CXXC5: variants seen among roughly 807,000 people sequenced by gnomAD.
CXXC5 encodes the protein CXXC finger protein 5, also known as CXXC-type zinc finger protein 5.
Under a neutral mutation model 17.6 loss-of-function variants are expected in CXXC5, and 2 were observed. That is an observed-to-expected ratio of 0.11 (90% CI 0.05 to 0.36). The LOEUF (loss-of-function observed/expected upper bound fraction) is 0.36, where lower values mean the gene tolerates loss of function less well. Ranked by LOEUF, CXXC5 falls within the 10% of genes least tolerant of loss-of-function variation. CXXC5 has a pLI of 1.00. For synonymous variants in CXXC5, 171 were observed against 193.0 expected (o/e 0.89, Z 0.94); for missense variants, 343 against 458.3 (o/e 0.75, Z 2.30).
At chr5:139,660,294 G>A (rs1391546354) in intron 1 of CXXC5, among the ~76,000 whole-genome samples, 3 of 152,216 alleles carry the variant, frequency 2.0e-5, no homozygotes, top group African/African-American at 7.2e-5. Flanking sequence ...TCCGGGTTGT[G>A]CCCGACTGTG....
intron 1 of CXXC5, among the ~76,000 whole-genome samples, chr5:139,669,526 G>T (rs928827873): frequency 2.0e-5 from 3 of 152,032 alleles, no homozygotes; most frequent in African/African-American, 7.2e-5. Context: ...CCTAGACCCA[G>T]CATGGCTCAC....
At chr5:139,647,984 A>C (rs1309638568), upstream of CXXC5, 1 of 151,540 alleles carries the variant, frequency 6.6e-6, no homozygotes, top group Non-Finnish European at 1.5e-5. Flanking sequence ...GGGGGCAGAA[A>C]GATAGCAGAT....
intron 1 of CXXC5, among the ~76,000 whole-genome samples, chr5:139,673,223 A>G (rs539195447): frequency 5.9e-5 from 9 of 152,334 alleles, no homozygotes; most frequent in African/African-American, 2.2e-4. Context: ...GAGATAAAGC[A>G]TGGACAGTGT....
At chr5:139,651,758 G>A (rs1755191233) in intron 1 of CXXC5, among the ~76,000 whole-genome samples, 1 of 152,036 alleles carries the variant, frequency 6.6e-6, no homozygotes, top group Non-Finnish European at 1.5e-5. Context: ...GGGAATACGG[G>A]TGAGCCAGAC....
In CXXC5 at chr5:139,677,656, C is replaced by T. The variant is rs150070140; in HGVS notation, c.-160-2708C>T. On this transcript the variant is annotated intron_variant, in intron 1 of 2. Coordinates refer to ENST00000302517, the MANE Select transcript of CXXC5 (RefSeq NM_016463.9). ...TCTGCCTGCAGCACCTGTTTGGTGA[C>T]ATATCACATCCTCTGGTCCCAAGCT... Among the ~76,000 whole-genome samples the T allele has an allele frequency of 9.7e-4, 148 of 152,346 alleles. 1 individual carries two copies. The highest frequency in any genetic ancestry group is 3.5e-3 in the African/African-American group (144 of 41,580).
intron 1 of CXXC5, among the ~76,000 whole-genome samples, chr5:139,664,468 C>T (rs1162335091): frequency 6.6e-6 from 1 of 152,164 alleles, no homozygotes; most frequent in African/African-American, 2.4e-5. Flanking sequence ...TCCCGTGGTC[C>T]GTGTGTCACT....
chr5:139,659,183 C>A (rs769072416), intron 1 of CXXC5, among the ~76,000 whole-genome samples: 1 of 152,016 alleles, frequency 6.6e-6, no homozygotes, highest in African/African-American at 2.4e-5. Context: ...AGTGGCAGAT[C>A]GGCTGGGAGG....
Position 139,668,475 on chromosome 5 carries a change from A to ACTGCCCGCTCCAGGCCCG in CXXC5, c.-160-11870_-160-11853dup, listed in dbSNP as rs542635686. Among the ~76,000 whole-genome samples, 62 of 151,782 alleles carry ACTGCCCGCTCCAGGCCCG rather than the reference A, an allele frequency of 4.1e-4. No homozygotes were observed. The highest frequency in any genetic ancestry group is 2.9e-3 in the East Asian group (15 of 5,100). ...GGCCCGGCTACCTCCCGCGCCGCCC[A>ACTGCCCGCTCCAGGCCCG]CTGCCCGCTCCAGGCCCGCTGCCCG... On this transcript the variant is annotated intron_variant, in intron 1 of 2. Transcript: ENST00000302517. This position sits in a 1 kb window ranked among gnomAD's most constrained non-coding sequence, Gnocchi z 4.1.
chr5:139,672,006 T>G (rs1356511189), intron 1 of CXXC5, among the ~76,000 whole-genome samples: 1 of 152,224 alleles, frequency 6.6e-6, no homozygotes, highest in Non-Finnish European at 1.5e-5. Context: ...ATAATAATTG[T>G]AGTAGAATCC....
intron 1 of CXXC5, among the ~76,000 whole-genome samples, chr5:139,651,975 C>T (rs1029873844): frequency 2.6e-5 from 4 of 152,192 alleles, no homozygotes; most frequent in Non-Finnish European, 5.9e-5. Flanking sequence ...TCAAACCCCA[C>T]CCTTCTGGTG....
At chr5:139,675,247 A>G (rs1352131195) in intron 1 of CXXC5, among the ~76,000 whole-genome samples, 1 of 152,178 alleles carries the variant, frequency 6.6e-6, no homozygotes, top group Non-Finnish European at 1.5e-5. Flanking sequence ...CCACCTGTGT[A>G]CATGTCTGTG....
In CXXC5 at chr5:139,680,800, G is replaced by T; in HGVS notation, c.277G>T (p.Gly93Cys). 6.2e-7 allele frequency: 1 copy of T among 1,612,992 alleles called. No individual in the cohort carries two copies. The highest frequency in any genetic ancestry group is 8.5e-7 in the Non-Finnish European group (1 of 1,180,018). ...SSFGSSGGSG[G>C]GSMMGGESAD... ...TTTTGGCAGCAGTGGTGGTAGTGGCGGTGGCAGCATGATGGGCGGAGAGTC... is the reference window on the plus strand; with the variant it reads ...TTTTGGCAGCAGTGGTGGTAGTGGCTGTGGCAGCATGATGGGCGGAGAGTC... Residue 93 changes from glycine (G) to cysteine (C), a missense_variant, in exon 2 of 3, where the codon GGT becomes TGT. By Grantham distance (159) the Gly-to-Cys change is radical (BLOSUM62 -3). This residue lies in a region of CXXC5 where 297 missense variants were observed against 363.4 expected (regional missense o/e 0.82). Coordinates refer to ENST00000302517, the MANE Select transcript of CXXC5 (RefSeq NM_016463.9).
chr5:139,669,049 C>A (rs1756297603), intron 1 of CXXC5, among the ~76,000 whole-genome samples: 1 of 152,176 alleles, frequency 6.6e-6, no homozygotes, highest in Non-Finnish European at 1.5e-5. Context: ...CCCTGGATGC[C>A]AGTGGCCAGC....
chr5:139,680,939 G>A lies in CXXC5; in HGVS notation c.416G>A (p.Gly139Asp), dbSNP rs757935649. 1.9e-6 allele frequency: 3 copies of A among 1,601,758 alleles called. No homozygotes were observed. Among genetic ancestry groups the A allele is most frequent in the African/African-American group, 1.3e-5 (1 of 74,958 alleles). Residue 139 changes from glycine (G) to aspartate (D), a missense_variant, in exon 2 of 3, where the codon GGT becomes GAT. Coordinates refer to ENST00000302517, the MANE Select transcript of CXXC5 (RefSeq NM_016463.9). ...KSNPTSKHKS[G>D]AVASLLSKAE... ...AACCCTACCTCAAAGCACAAAAGTG[G>A]TGCTGTGGCCAGCCTGCTGAGCAAG...
chr5:139,665,220 C>A (rs1329090354), intron 1 of CXXC5, among the ~76,000 whole-genome samples: 1 of 152,278 alleles, frequency 6.6e-6, no homozygotes, highest in Non-Finnish European at 1.5e-5. Context: ...CCTCTCTGCG[C>A]CTGTGTGTGA....
At chr5:139,669,386 G>A (rs1179578249) in intron 1 of CXXC5, among the ~76,000 whole-genome samples, 2 of 151,950 alleles carry the variant, frequency 1.3e-5, no homozygotes, top group African/African-American at 4.8e-5. Flanking sequence ...GCCCAGCCCC[G>A]TGCCCATCAC....
chr5:139,674,017 G>A (rs1432590933), intron 1 of CXXC5, among the ~76,000 whole-genome samples: 1 of 152,120 alleles, frequency 6.6e-6, no homozygotes, highest in Non-Finnish European at 1.5e-5. Context: ...GTCCTTGGCA[G>A]TCAGTCTTGG....
chr5:139,680,862 C>A lies in CXXC5; in HGVS notation c.339C>A (p.Ser113=). 1 of 1,609,772 alleles carries A rather than the reference C, an allele frequency of 6.2e-7. No homozygotes were observed. Among genetic ancestry groups the A allele is most frequent in the Non-Finnish European group, 8.5e-7 (1 of 1,180,002 alleles). ...DKATAAAAAA[S]LLANGHDLAA... is the part of the protein sequence containing the mutation. ...CCACTGCGGCTGCAGCCGCTGCCTC[C>A]CTGTTGGCCAATGGGCATGACCTGG... The change falls in exon 2 of 3, where the codon TCC becomes TCA. Residue 113 remains serine (S), a synonymous_variant. Transcript: ENST00000302517.
rs554778606 is a variant in CXXC5, at chr5:139,670,903, C to T, written c.-160-9461C>T. Among the ~76,000 whole-genome samples, 40 of 152,372 alleles carry T rather than the reference C, an allele frequency of 2.6e-4. No homozygotes were observed. The highest frequency in any genetic ancestry group is 1.5e-5 in the Non-Finnish European group (1 of 68,036). On this transcript the variant is annotated intron_variant, in intron 1 of 2. Coordinates refer to ENST00000302517, the MANE Select transcript of CXXC5 (RefSeq NM_016463.9). The surrounding 1 kb of genome is among the most constrained non-coding windows in gnomAD (Gnocchi z 4.2). Reference sequence around the variant, plus strand: ...GACACACACACAGTTGTGCAGCACACCTCCCAGGTAGACACGCGAAAACAC... The same window carrying T: ...GACACACACACAGTTGTGCAGCACATCTCCCAGGTAGACACGCGAAAACAC...
Sources: gnomAD v4.1 joint callset for allele counts (sites outside exome capture counted in the v4.1 genomes callset) on GRCh38, gnomAD v4.1.1 for gene constraint, gnomAD v4.1.1 regional missense constraint, Gnocchi (gnomAD v3.1) non-coding constraint, MANE v1.5 for transcripts, NCBI Gene and HGNC (gene_info 2026-07-23, HGNC 2026-07-21) for gene names.